Variants in CMC1 observed in about 807,000 individuals in gnomAD.
CMC1 encodes the protein COX assembly mitochondrial protein homolog.
In CMC1, 14 loss-of-function variants were observed where a neutral mutation model predicts 14.1. The observed-to-expected ratio is 0.99, with a 90% confidence interval of 0.66 to 1.55. The LOEUF (loss-of-function observed/expected upper bound fraction) is 1.55, where lower values mean the gene tolerates loss of function less well. Among genes scored for constraint, CMC1 ranks in the 40% most tolerant of loss-of-function variants. The pLI, the probability that CMC1 is intolerant of heterozygous loss-of-function variation, is 0.00. For synonymous variants in CMC1, 50 were observed against 38.4 expected (o/e 1.30, Z -1.12); for missense variants, 127 against 123.8 (o/e 1.03, Z -0.12).
intron 1 of CMC1, among the ~76,000 whole-genome samples, chr3:28,242,866 A>G (rs932887060): frequency 6.6e-6 from 1 of 151,994 alleles, no homozygotes; most frequent in Non-Finnish European, 1.5e-5. Flanking sequence ...GCTTTGAGGG[A>G]TGGAATTTCC....
chr3:28,262,104 C>T (rs1274002642), intron 1 of CMC1, among the ~76,000 whole-genome samples: 1 of 152,092 alleles, frequency 6.6e-6, no homozygotes, highest in African/African-American at 2.4e-5. Context: ...ATAATTCTCT[C>T]TCAGAACTTT....
intron 2 of CMC1, among the ~76,000 whole-genome samples, chr3:28,308,751 G>A (rs1382670694): frequency 2.0e-5 from 3 of 152,082 alleles, no homozygotes; most frequent in East Asian, 1.9e-4. Flanking sequence ...TTGGGAGGCC[G>A]AGGTGGGCGG....
At chr3:28,266,250 TTCA>T (rs373824139) in intron 2 of CMC1, among the ~76,000 whole-genome samples, 5 of 152,158 alleles carry the variant, frequency 3.3e-5, no homozygotes, top group African/African-American at 9.7e-5. Context: ...TTTAGAATGT[TTCA>T]TCATTATATA....
At position 28,321,500 on chromosome 3, in the gene CMC1, A is replaced by G. The variant is rs1057302765; in HGVS notation, c.*1871A>G. The G allele has an allele frequency of 2.0e-5, 3 of 151,484 alleles. No individual in the cohort carries two copies. The highest frequency in any genetic ancestry group is 3.4e-3 in the Middle Eastern group (1 of 294). 9.4% of individuals were successfully genotyped at this position (151,484 alleles called of 1,614,324 possible). A position where few individuals can be genotyped will look rare whatever the true frequency, so the allele number is the denominator to read the frequency against. On this transcript the variant is annotated 3_prime_UTR_variant, in exon 4 of 4. Coordinates refer to ENST00000466830, the MANE Select transcript of CMC1 (RefSeq NM_182523.2). Reference sequence around the variant, plus strand: ...ATTCATTGTAGCCTTCAGAATACCCATGTGTATCCATACTGAAGATTTTTT... The same window carrying G: ...ATTCATTGTAGCCTTCAGAATACCCGTGTGTATCCATACTGAAGATTTTTT...
intron 1 of CMC1, among the ~76,000 whole-genome samples, chr3:28,261,171 G>A (rs994140804): frequency 6.6e-5 from 10 of 151,446 alleles, no homozygotes; most frequent in African/African-American, 1.2e-4. Context: ...TATATCATGC[G>A]TTCAGTTTTT....
At chr3:28,291,099 C>G (rs1701448527) in intron 2 of CMC1, among the ~76,000 whole-genome samples, 1 of 152,110 alleles carries the variant, frequency 6.6e-6, no homozygotes, top group African/African-American at 2.4e-5. Context: ...TTCATCAAAA[C>G]AGGCAAGCCA....
At chr3:28,249,203 C>G (rs1173727780) in intron 1 of CMC1, among the ~76,000 whole-genome samples, 1 of 152,174 alleles carries the variant, frequency 6.6e-6, no homozygotes, top group African/African-American at 2.4e-5. Flanking sequence ...TCTTACAGAT[C>G]AAAAGATATG....
intron 2 of CMC1, among the ~76,000 whole-genome samples, chr3:28,289,570 G>T (rs1162052122): frequency 6.6e-6 from 1 of 151,954 alleles, no homozygotes; most frequent in Admixed American, 6.6e-5. Context: ...GGATTTTTAT[G>T]CTGCAAAGAT....
rs148688356 is a variant in CMC1 at position 28,300,025 on chromosome 3, T to A, written c.110-16308T>A. On this transcript the variant is annotated intron_variant, in intron 2 of 3. Coordinates refer to ENST00000466830, the MANE Select transcript of CMC1 (RefSeq NM_182523.2). Reference sequence around the variant, plus strand: ...GAACTGAAAGCATCGATTTGCCTTGTTAACTATGGATACTATACTTATTAA... The same window carrying A: ...GAACTGAAAGCATCGATTTGCCTTGATAACTATGGATACTATACTTATTAA... 3.8e-3 allele frequency among the ~76,000 whole-genome samples: 575 copies of A among 152,316 alleles called. 3 individuals carry two copies. Among genetic ancestry groups the A allele is most frequent in the African/African-American group, 0.013 (533 of 41,578 alleles).
intron 2 of CMC1, among the ~76,000 whole-genome samples, chr3:28,313,876 C>T (rs1160588935): frequency 6.6e-6 from 1 of 152,156 alleles, no homozygotes. Flanking sequence ...TGCTAACAGC[C>T]GTTGTGTCTG....
At position 28,309,097 on chromosome 3, in the gene CMC1, T is replaced by G. The variant is rs112241409; in HGVS notation, c.110-7236T>G. Among the ~76,000 whole-genome samples the G allele has an allele frequency of 5.1e-3, 778 of 152,276 alleles. 6 individuals carry two copies. Among genetic ancestry groups the G allele is most frequent in the African/African-American group, 0.017 (720 of 41,556 alleles). ...TTTCCTTGCTTTCTCTGGTGCCACA[T>G]AGTCCTCTGTATTTTTCCAGTTTCT... On this transcript the variant is annotated intron_variant, in intron 2 of 3. Transcript: ENST00000466830.
chr3:28,263,250 T>C (rs1268254121), intron 1 of CMC1, 41 bp from the exon 2 acceptor site: 10 of 1,426,404 alleles, frequency 7.0e-6, no homozygotes, highest in Non-Finnish European at 9.7e-6. Flanking sequence ...ATCTGGTGAT[T>C]TGCTTGAGAC....
Position 28,263,357 on chromosome 3 carries a change from AGAGGT to A in CMC1, c.88_92del (p.Arg30PhefsTer2). On this transcript the variant is annotated frameshift_variant, in exon 2 of 4. Coordinates refer to ENST00000466830, the MANE Select transcript of CMC1 (RefSeq NM_182523.2). LOFTEE classifies it high-confidence loss of function. The stretch of plus-strand genomic sequence containing the variant: ...AAAATAATGAGAGAAAAGGCCAAAG[AGAGGT>A]GTTCTGAACAAGTTCAAGGTAACAT... 6.2e-7 allele frequency: 1 copy of A among 1,607,820 alleles called. No homozygotes were observed. The highest frequency in any genetic ancestry group is 8.5e-7 in the Non-Finnish European group (1 of 1,176,518).
intron 2 of CMC1, among the ~76,000 whole-genome samples, chr3:28,292,416 T>C (rs906391201): frequency 1.3e-5 from 2 of 152,120 alleles, no homozygotes; most frequent in Admixed American, 1.3e-4. Flanking sequence ...CCTTCTTCCC[T>C]GATTTTACCC....
intron 2 of CMC1, among the ~76,000 whole-genome samples, chr3:28,295,504 C>T (rs973350151): frequency 6.6e-6 from 1 of 152,068 alleles, no homozygotes; most frequent in Non-Finnish European, 1.5e-5. Context: ...AGGGGCCTAC[C>T]TGGATGACCC....
intron 2 of CMC1, among the ~76,000 whole-genome samples, chr3:28,314,517 G>C (rs1055621601): frequency 1.3e-5 from 2 of 152,216 alleles, no homozygotes; most frequent in Non-Finnish European, 2.9e-5. Context: ...GAATGAGAGA[G>C]CAAATGTTGG....
intron 1 of CMC1, chr3:28,253,685 C>T: frequency 9.1e-7 from 1 of 1,104,338 alleles, no homozygotes; most frequent in Non-Finnish European, 1.2e-6. Flanking sequence ...CTAATGAGAA[C>T]ACTGTTGCAA....
chr3:28,289,241 G>C (rs1258650706), intron 2 of CMC1, among the ~76,000 whole-genome samples: 1 of 151,764 alleles, frequency 6.6e-6, no homozygotes, highest in Non-Finnish European at 1.5e-5. Context: ...TAAATTCTAA[G>C]ATTTCAGGAA....
At chr3:28,306,127 C>T in intron 2 of CMC1, among the ~76,000 whole-genome samples, 1 of 151,930 alleles carries the variant, frequency 6.6e-6, no homozygotes, top group Non-Finnish European at 1.5e-5. Context: ...TGTGATGCTT[C>T]CAGCTTTGTT....
Sources: gnomAD v4.1 joint callset for allele counts (sites outside exome capture counted in the v4.1 genomes callset) on GRCh38, gnomAD v4.1.1 for gene constraint, MANE v1.5 for transcripts, NCBI Gene and HGNC (gene_info 2026-07-23, HGNC 2026-07-21) for gene names.